The following SLC25A53 variants were observed in gnomAD, a reference collection of about 807,000 sequenced individuals.
The protein encoded by SLC25A53 is mitochondrial carrier triple repeat protein 6.
SLC25A53 carries 5 observed loss-of-function variants against 15.0 expected under a neutral mutation model. The ratio of observed to expected loss-of-function variants is 0.33; its 90% CI spans 0.17 to 0.70. The LOEUF is 0.70. Ranked by LOEUF, SLC25A53 falls within the 30% of genes least tolerant of loss-of-function variation. SLC25A53 has a pLI of 0.67. For missense variants in SLC25A53, 216 were observed against 241.6 expected, an observed-to-expected ratio of 0.89 and a Z score of 0.70; for synonymous variants, 95 against 100.0, an observed-to-expected ratio of 0.95 and a Z score of 0.30.
At chrX:104,115,231 A>C in intron 1 of SLC25A53, 1 of 1,205,730 alleles carries the variant, frequency 8.3e-7, no homozygotes, top group South Asian at 1.8e-5. Context: ...GGTTTTTGAG[A>C]ATCTGATCAT....
In SLC25A53 at chrX:104,109,035, C is replaced by T. The variant is rs782223786; in HGVS notation, c.-31-3747G>A. ...AGCAAAAAGACAACAGCAATTTATTCCACCTGAGAAGGGGCATATGACTCA... is the reference window on the plus strand; with the variant it reads ...AGCAAAAAGACAACAGCAATTTATTTCACCTGAGAAGGGGCATATGACTCA... On this transcript the variant is annotated intron_variant, in intron 1 of 1. Coordinates refer to ENST00000594199, the MANE Select transcript of SLC25A53 (RefSeq NM_001012755.5). Among the ~76,000 whole-genome samples, 13 of 111,811 alleles carry T rather than the reference C, an allele frequency of 1.2e-4. No homozygotes were observed. In the South Asian group the frequency reaches 4.9e-3, roughly 42 times the overall value.
At chrX:104,140,767 T>C (rs782725228) in intron 1 of SLC25A53, among the ~76,000 whole-genome samples, 1 of 111,377 alleles carries the variant, frequency 9.0e-6, no homozygotes, top group East Asian at 2.8e-4. Flanking sequence ...AAAAATGACA[T>C]GGTCTCACTG....
At position 104,102,378 on chromosome X, in the gene SLC25A53, T is replaced by C. The variant is rs1294449880; in HGVS notation, c.*1956A>G. ...GTACAGTTGTACAGTGTGATTCTGT[T>C]TGTGAAATTTCAGTTCCTGAACTGG... On this transcript the variant is annotated 3_prime_UTR_variant, in exon 2 of 2. Coordinates refer to ENST00000594199, the MANE Select transcript of SLC25A53 (RefSeq NM_001012755.5). 6 of 112,451 alleles carry C rather than the reference T, an allele frequency of 5.3e-5. No homozygotes were observed. Among genetic ancestry groups the C allele is most frequent in the African/African-American group, 1.9e-4 (6 of 30,951 alleles). 9.3% of individuals were successfully genotyped at this position (112,451 alleles called of 1,213,427 possible). A position where few individuals can be genotyped will look rare whatever the true frequency, so the allele number is the denominator to read the frequency against.
chrX:104,100,762 C>T lies in SLC25A53; in HGVS notation c.*3572G>A, dbSNP rs1260614131. On this transcript the variant is annotated 3_prime_UTR_variant, in exon 2 of 2. Coordinates refer to ENST00000594199, the MANE Select transcript of SLC25A53 (RefSeq NM_001012755.5). ...AGCAATTTAGCTTTAAAATATACTC[C>T]GAGGGGAAAATACCCAAACTTTTTG... 2 of 111,884 alleles carry T rather than the reference C, an allele frequency of 1.8e-5. No homozygotes were observed. Among genetic ancestry groups the T allele is most frequent in the Non-Finnish European group, 3.8e-5 (2 of 53,185 alleles). The allele number at this position is 111,884 out of a possible 1,213,427, so 9.2% of individuals were successfully genotyped here.
At position 104,109,534 on chromosome X, in the gene SLC25A53, C is replaced by T. The variant is rs782136538; in HGVS notation, c.-31-4246G>A. On this transcript the variant is annotated intron_variant, in intron 1 of 1. Transcript: ENST00000594199. ...AAAAATGAGATAATAGGAATAAAGG[C>T]AAGATAACAATTAAATTGTTCTAAA... 2.7e-5 allele frequency among the ~76,000 whole-genome samples: 3 copies of T among 112,272 alleles called. No homozygotes were observed. The South Asian group carries it at 1.1e-3, about 42-fold the overall frequency.
At chrX:104,117,109 C>T (rs1399880360) in intron 1 of SLC25A53, among the ~76,000 whole-genome samples, 3 of 102,779 alleles carry the variant, frequency 2.9e-5, no homozygotes, top group East Asian at 6.4e-4. Flanking sequence ...CATTCCTATC[C>T]GCCCTGCTCC....
chrX:104,105,123 G>A lies in SLC25A53; in HGVS notation c.135C>T (p.Thr45=), dbSNP rs2075302158. The change falls in exon 2 of 2, where the codon ACC becomes ACT. Residue 45 remains threonine, a synonymous_variant. Transcript: ENST00000594199. ...GGAACACAACCTTATAGATAGGAAA[G>A]GTCAGAAAAGTAGACATAAAGTTGG... ...AVSNFMSTFL[T]FPIYKVVFRQ... is the part of the protein sequence containing the mutation. 3.3e-6 allele frequency: 4 copies of A among 1,210,743 alleles called. No homozygotes were observed. The highest frequency in any genetic ancestry group is 3.4e-6 in the Non-Finnish European group (3 of 895,416).
At chrX:104,140,508 ACT>A (rs1556367355) in intron 1 of SLC25A53, among the ~76,000 whole-genome samples, 1 of 110,864 alleles carries the variant, frequency 9.0e-6, no homozygotes, top group African/African-American at 3.3e-5. Context: ...CCTCTTGCTC[ACT>A]CTGTAGAACT....
intron 1 of SLC25A53, among the ~76,000 whole-genome samples, chrX:104,108,752 G>A (rs781883807): frequency 2.4e-4 from 27 of 111,766 alleles, no homozygotes; most frequent in African/African-American, 8.1e-4. Context: ...CTGTGTGACT[G>A]CCCCAGGATC....
intron 1 of SLC25A53, among the ~76,000 whole-genome samples, chrX:104,135,189 G>C (rs1240937140): frequency 2.7e-5 from 3 of 110,255 alleles, no homozygotes; most frequent in African/African-American, 9.9e-5. Flanking sequence ...CAGCCCATCT[G>C]TGTCAAGGTT....
At position 104,114,397 on chromosome X, in the gene SLC25A53, G is replaced by A. The variant is rs1445396113; in HGVS notation, c.-31-9109C>T. The A allele has an allele frequency of 5.0e-6, 6 of 1,212,059 alleles. No individual in the cohort carries two copies. In the Admixed American group the frequency reaches 1.1e-4, roughly 22 times the overall value. ...GAAAACACTTAGGGGCCCTGCCCGGGAGGTCATGCGTTTGCTTCAGGCGGC... is the reference window on the plus strand; with the variant it reads ...GAAAACACTTAGGGGCCCTGCCCGGAAGGTCATGCGTTTGCTTCAGGCGGC... On this transcript the variant is annotated intron_variant, in intron 1 of 1. Coordinates refer to ENST00000594199, the MANE Select transcript of SLC25A53 (RefSeq NM_001012755.5).
chrX:104,142,576 C>A (rs1556367788), intron 1 of SLC25A53, among the ~76,000 whole-genome samples: 1 of 111,050 alleles, frequency 9.0e-6, no homozygotes, highest in African/African-American at 3.3e-5. Context: ...CTCAAAGGCT[C>A]GTCAGCATAG....
intron 1 of SLC25A53, among the ~76,000 whole-genome samples, chrX:104,106,573 T>C (rs1210309876): frequency 9.0e-6 from 1 of 111,029 alleles, no homozygotes; most frequent in African/African-American, 3.3e-5. Flanking sequence ...GGCTATGTGA[T>C]GGGGGCATGA....
rs1406457084 is a variant in SLC25A53, at chrX:104,140,822, C to T, written c.-32+16056G>A. 2.7e-5 allele frequency among the ~76,000 whole-genome samples: 3 copies of T among 111,820 alleles called. No homozygotes were observed. The East Asian group carries it at 8.4e-4, about 31-fold the overall frequency. ...CACTGGCCTGCTTGTGAACACAGCCCAGCCTCCACCCAGGACAGTCTTTTA... is the reference window on the plus strand; with the variant it reads ...CACTGGCCTGCTTGTGAACACAGCCTAGCCTCCACCCAGGACAGTCTTTTA... On this transcript the variant is annotated intron_variant, in intron 1 of 1. Coordinates refer to ENST00000594199, the MANE Select transcript of SLC25A53 (RefSeq NM_001012755.5).
At chrX:104,138,813 A>AATG (rs1328913328) in intron 1 of SLC25A53, among the ~76,000 whole-genome samples, 1 of 111,807 alleles carries the variant, frequency 8.9e-6, no homozygotes. Flanking sequence ...TCTGCCGCTC[A>AATG]ATGGCCTGCC....
intron 1 of SLC25A53, among the ~76,000 whole-genome samples, chrX:104,135,108 A>C (rs2075433528): frequency 9.0e-6 from 1 of 110,509 alleles, no homozygotes; most frequent in Non-Finnish European, 1.9e-5. Context: ...CTGTGGCACC[A>C]CACCCTCCTG....
chrX:104,113,905 A>T, intron 1 of SLC25A53: 1 of 538,598 alleles, frequency 1.9e-6, no homozygotes, highest in Non-Finnish European at 2.9e-6. Context: ...ATGCACTGCA[A>T]GGCTATTCAG....
chrX:104,114,118 A>G, intron 1 of SLC25A53: 1 of 1,211,603 alleles, frequency 8.3e-7, no homozygotes, highest in South Asian at 1.8e-5. Flanking sequence ...AGTCATGGCT[A>G]GCATCACTGC....
At chrX:104,106,768 C>A (rs2075312675) in intron 1 of SLC25A53, among the ~76,000 whole-genome samples, 1 of 111,017 alleles carries the variant, frequency 9.0e-6, no homozygotes. Flanking sequence ...CTCTGCTCTT[C>A]CCTAGCCCCT....
Sources: allele counts gnomAD v4.1 joint callset (sites outside exome capture counted in the v4.1 genomes callset), GRCh38; gene constraint gnomAD v4.1.1; transcripts MANE v1.5; gene names NCBI Gene and HGNC (gene_info 2026-07-23, HGNC 2026-07-21).